The following FOXP2 variants were observed in gnomAD, a reference collection of about 807,000 sequenced individuals.
The protein encoded by FOXP2 is forkhead box P2, also known as forkhead box protein P2.
A neutral mutation model predicts 115.8 loss-of-function variants in FOXP2; 12 were observed. The ratio of observed to expected loss-of-function variants is 0.10; its 90% confidence interval spans 0.07 to 0.17. The LOEUF (loss-of-function observed/expected upper bound fraction) is 0.17, where lower values mean the gene tolerates loss of function less well. Among genes scored for constraint, FOXP2 ranks in the 10% least tolerant of loss-of-function variants. The pLI is 1.00. For synonymous variants in FOXP2, 328 were observed against 297.7 expected, an observed-to-expected ratio of 1.10 and a Z score of -1.05; for missense variants, 629 against 843.5, an observed-to-expected ratio of 0.75 and a Z score of 3.15.
intron 2 of FOXP2, among the ~76,000 whole-genome samples, chr7:114,440,501 A>G (rs2129212052): frequency 6.6e-6 from 1 of 152,280 alleles, no homozygotes; most frequent in South Asian, 2.1e-4. Context: ...TCACTAATTT[A>G]TTTGAAAGCC....
chr7:114,445,051 T>C lies in FOXP2; in HGVS notation c.168+18372T>C, dbSNP rs577752734. 2.0e-5 allele frequency among the ~76,000 whole-genome samples: 3 copies of C among 147,638 alleles called. No individual in the cohort carries two copies. In the South Asian group the frequency reaches 6.4e-4, roughly 32 times the overall value. ...TTTCCATTTTTTTAGAGCCAGTGGC[T>C]TTTTTTTTTCTATTCAACTATTTTG... On this transcript the variant is annotated intron_variant, in intron 2 of 16. Transcript: ENST00000350908.
chr7:114,389,315 T>C (rs2129193822), intron 2 of FOXP2, among the ~76,000 whole-genome samples: 1 of 152,300 alleles, frequency 6.6e-6, no homozygotes, highest in Non-Finnish European at 1.5e-5. Flanking sequence ...GAGGAGTGAA[T>C]GGTTTACTTT....
chr7:114,561,183 A>C (rs1437058771), intron 3 of FOXP2: 1 of 152,238 alleles, frequency 6.6e-6, no homozygotes, highest in African/African-American at 2.4e-5. Flanking sequence ...CCCAAAGAAA[A>C]AAATGGTGCT....
intron 1 of FOXP2, among the ~76,000 whole-genome samples, chr7:114,183,946 T>G (rs1793524678): frequency 6.6e-6 from 1 of 152,178 alleles, no homozygotes; most frequent in African/African-American, 2.4e-5. Flanking sequence ...GTTAATGTGG[T>G]ACACAAGACG....
chr7:114,292,298 TTAATAA>T (rs1031709074), intron 2 of FOXP2, among the ~76,000 whole-genome samples: 1 of 152,062 alleles, frequency 6.6e-6, no homozygotes, highest in Non-Finnish European at 1.5e-5. Flanking sequence ...TATGTTATAG[TTAATAA>T]TAAGAATATT....
At chr7:114,441,102 A>C (rs940302943) in intron 2 of FOXP2, among the ~76,000 whole-genome samples, 4 of 152,166 alleles carry the variant, frequency 2.6e-5, no homozygotes, top group African/African-American at 9.6e-5. Flanking sequence ...CCATGTGTAC[A>C]TAAGTAATAA....
intron 3 of FOXP2, among the ~76,000 whole-genome samples, chr7:114,578,587 G>A (rs1285349897): frequency 6.6e-6 from 1 of 151,922 alleles, no homozygotes; most frequent in Non-Finnish European, 1.5e-5. Flanking sequence ...ATTTGTTTTA[G>A]TTTTAATTCT....
chr7:114,268,428 C>T (rs1419081270), intron 1 of FOXP2, among the ~76,000 whole-genome samples: 1 of 152,138 alleles, frequency 6.6e-6, no homozygotes, highest in Non-Finnish European at 1.5e-5. Context: ...GGACTACAAA[C>T]TCAGATTAAG....
intron 2 of FOXP2, among the ~76,000 whole-genome samples, chr7:114,305,141 G>C (rs1307477999): frequency 6.6e-6 from 1 of 152,068 alleles, no homozygotes; most frequent in Non-Finnish European, 1.5e-5. Flanking sequence ...TTACCAAAAG[G>C]TATGATCATT....
intron 3 of FOXP2, among the ~76,000 whole-genome samples, chr7:114,623,389 G>A (rs981332966): frequency 2.6e-5 from 4 of 151,874 alleles, no homozygotes; most frequent in African/African-American, 9.7e-5. Flanking sequence ...AATGTGTAGT[G>A]ACCATGCAAA....
At chr7:114,207,459 T>A (rs528461961) in intron 1 of FOXP2, among the ~76,000 whole-genome samples, 2 of 152,316 alleles carry the variant, frequency 1.3e-5, no homozygotes, top group East Asian at 3.9e-4. Context: ...TCATTATGCT[T>A]TTTATTTTCA....
At chr7:114,364,868 T>C (rs534238769) in intron 2 of FOXP2, among the ~76,000 whole-genome samples, 6 of 152,280 alleles carry the variant, frequency 3.9e-5, no homozygotes, top group African/African-American at 1.4e-4. Context: ...TCTGCATTTA[T>C]TAGTATGATT....
At chr7:114,174,542 G>T (rs1793235849) in intron 1 of FOXP2, among the ~76,000 whole-genome samples, 1 of 151,946 alleles carries the variant, frequency 6.6e-6, no homozygotes, top group Non-Finnish European at 1.5e-5. Flanking sequence ...TCTTCAACAT[G>T]TAATTCACAG....
At chr7:114,651,425 A>G (rs1363585743) in intron 8 of FOXP2, among the ~76,000 whole-genome samples, 1 of 152,082 alleles carries the variant, frequency 6.6e-6, no homozygotes, top group Non-Finnish European at 1.5e-5. Flanking sequence ...TTTCATGTTC[A>G]TTGGAGATGC....
At chr7:114,431,125 A>C (rs1002061048) in intron 2 of FOXP2, among the ~76,000 whole-genome samples, 6 of 151,966 alleles carry the variant, frequency 3.9e-5, no homozygotes, top group Non-Finnish European at 7.4e-5. Flanking sequence ...GTCTTGCATG[A>C]AAGCATTTAC....
chr7:114,490,676 C>A (rs1797001151), intron 2 of FOXP2, among the ~76,000 whole-genome samples: 1 of 152,044 alleles, frequency 6.6e-6, no homozygotes, highest in Admixed American at 6.6e-5. Flanking sequence ...TCACAACAGG[C>A]CCTGGTATGT....
intron 2 of FOXP2, among the ~76,000 whole-genome samples, chr7:114,532,314 A>G (rs1006343287): frequency 1.3e-5 from 2 of 151,976 alleles, no homozygotes; most frequent in Non-Finnish European, 2.9e-5. Flanking sequence ...ATTCAAAACA[A>G]AAAGGTTATA....
intron 2 of FOXP2, among the ~76,000 whole-genome samples, chr7:114,448,916 G>A (rs1794954296): frequency 6.6e-6 from 1 of 152,048 alleles, no homozygotes; most frequent in Admixed American, 6.6e-5. Context: ...AACATTTTTG[G>A]TGAATATTTA....
chr7:114,607,032 C>T (rs1803367974), intron 3 of FOXP2, among the ~76,000 whole-genome samples: 1 of 152,152 alleles, frequency 6.6e-6, no homozygotes, highest in Admixed American at 6.5e-5. Flanking sequence ...ACCCTTCTAA[C>T]ATCTGTGCCA....
Sources: allele counts gnomAD v4.1 joint callset (sites outside exome capture counted in the v4.1 genomes callset), GRCh38; gene constraint gnomAD v4.1.1; transcripts MANE v1.5; gene names NCBI Gene and HGNC (gene_info 2026-07-23, HGNC 2026-07-21).